The following MYSM1 variants were observed in gnomAD, a reference collection of about 807,000 sequenced individuals.
MYSM1 encodes the protein deubiquitinase MYSM1.
MYSM1 carries 51 observed loss-of-function variants against 116.0 expected under a neutral mutation model. That is an observed-to-expected ratio of 0.44 (90% CI 0.35 to 0.56). The LOEUF (loss-of-function observed/expected upper bound fraction) is 0.56. Among genes scored for constraint, MYSM1 ranks in the 20% least tolerant of loss-of-function variants. MYSM1 has a pLI of 0.00. For missense variants in MYSM1, 900 were observed against 974.9 expected (o/e 0.92, Z 1.02); for synonymous variants, 313 against 315.2 (o/e 0.99, Z 0.07).
At chr1:58,663,490 C>T (rs1170302256) in intron 17 of MYSM1, among the ~76,000 whole-genome samples, 1 of 152,146 alleles carries the variant, frequency 6.6e-6, no homozygotes, top group Non-Finnish European at 1.5e-5. Flanking sequence ...CCCATGGCTT[C>T]TAGAAAACCT....
Position 58,669,036 on chromosome 1 carries a change from G to A in MYSM1, c.1664C>T (p.Ser555Leu), listed in dbSNP as rs186559420. 540 of 1,583,300 alleles carry A rather than the reference G, an allele frequency of 3.4e-4. 2 individuals carry two copies. In the African/African-American group the frequency reaches 6.7e-3, roughly 20 times the overall value. Residue 555 changes from serine (S) to leucine (L), a missense_variant and splice_region_variant, in exon 13 of 20, where the codon TCG becomes TTG. This residue lies in a region of MYSM1 where 92 missense variants were observed against 155.0 expected (regional missense o/e 0.59). Transcript: ENST00000472487. The part of the protein sequence containing the change: ...SLKVPRPTKS[S>L]FDPFQLIPCN... ...AGGTATCAGTTGGAAGGGATCAAAC[G>A]AGCTGAAAAAGAAAAAAAATTTTCA...
intron 5 of MYSM1, 160 bp from the exon 6 acceptor site, chr1:58,689,276 C>G (rs1644871016): frequency 3.5e-6 from 2 of 572,624 alleles, no homozygotes; most frequent in Non-Finnish European, 6.0e-6. Context: ...CAGCCTCTAC[C>G]TGGGGGCAGA....
chr1:58,664,790 G>A (rs1174831496), intron 17 of MYSM1, among the ~76,000 whole-genome samples: 2 of 152,172 alleles, frequency 1.3e-5, no homozygotes, highest in Non-Finnish European at 2.9e-5. Flanking sequence ...AGTACAATGT[G>A]GGGTAACTGT....
At chr1:58,681,164 G>A (rs535046158) in intron 8 of MYSM1, among the ~76,000 whole-genome samples, 1 of 152,278 alleles carries the variant, frequency 6.6e-6, no homozygotes, top group African/African-American at 2.4e-5. Context: ...GTTTAATTAA[G>A]CTGTTTTAAA....
intron 10 of MYSM1, 111 bp downstream of exon 10, chr1:58,675,366 T>A: frequency 1.4e-6 from 1 of 717,320 alleles, no homozygotes; most frequent in Non-Finnish European, 2.3e-6. Context: ...AGAGGAAACA[T>A]GTTTTTCTAC....
At chr1:58,665,921 G>A (rs1333569301) in intron 16 of MYSM1, among the ~76,000 whole-genome samples, 1 of 152,130 alleles carries the variant, frequency 6.6e-6, no homozygotes, top group Non-Finnish European at 1.5e-5. Flanking sequence ...GCCAGGTGTA[G>A]TGGCACGTGC....
In MYSM1 at chr1:58,655,691, C is replaced by T. The variant is rs1644311146; in HGVS notation, c.*4306G>A. On this transcript the variant is annotated 3_prime_UTR_variant, in exon 20 of 20. Transcript: ENST00000472487. ...TAAAGTATATTACATTATTCTCCCA[C>T]AGTGATTTTCTGGAAATATTGCAAA... is the stretch of plus-strand genomic sequence containing the variant. 1 of 152,064 alleles carries T rather than the reference C, an allele frequency of 6.6e-6. No individual in the cohort carries two copies. Among genetic ancestry groups the T allele is most frequent in the African/African-American group, 2.4e-5 (1 of 41,396 alleles). The allele number at this position is 152,064 out of a possible 1,614,324, so 9.4% of individuals were successfully genotyped here.
At chr1:58,663,066 C>T (rs1208499751) in intron 17 of MYSM1, among the ~76,000 whole-genome samples, 1 of 152,040 alleles carries the variant, frequency 6.6e-6, no homozygotes, top group East Asian at 1.9e-4. Flanking sequence ...TCTCATTTTA[C>T]AGATGTAGCA....
intron 8 of MYSM1, among the ~76,000 whole-genome samples, chr1:58,680,813 T>C (rs1478179131): frequency 6.8e-6 from 1 of 146,690 alleles, no homozygotes; most frequent in East Asian, 2.0e-4. Flanking sequence ...CAATTATGAT[T>C]TTTAAAAATA....
chr1:58,672,043 G>T, intron 11 of MYSM1, 85 bp from the exon 12 acceptor site: 1 of 1,059,960 alleles, frequency 9.4e-7, no homozygotes, highest in Non-Finnish European at 1.4e-6. Context: ...AAATTGAAGG[G>T]CATGTGAGGA....
chr1:58,698,159 G>T (rs1645010609), intron 1 of MYSM1, among the ~76,000 whole-genome samples: 1 of 126,890 alleles, frequency 7.9e-6, no homozygotes, highest in Non-Finnish European at 1.6e-5. Flanking sequence ...GGAGTGCGGT[G>T]GCGTGATCTC....
chr1:58,671,793 G>T, intron 12 of MYSM1, 77 bp downstream of exon 12: 1 of 1,040,708 alleles, frequency 9.6e-7, no homozygotes. Context: ...ATATAATGCA[G>T]CTATTGAATA....
Position 58,690,680 on chromosome 1 carries a change from A to ATTT in MYSM1, c.219-266_219-264dup, listed in dbSNP as rs35937590. 4.4e-5 allele frequency among the ~76,000 whole-genome samples: 6 copies of ATTT among 137,824 alleles called. No homozygotes were observed. The East Asian group carries it at 1.3e-3, about 29-fold the overall frequency. The allele number at this position is 137,824 out of a possible 152,430, so 90.4% of individuals were successfully genotyped here. A position where few individuals can be genotyped will look rare whatever the true frequency, so the allele number is the denominator to read the frequency against. On this transcript the variant is annotated intron_variant, in intron 3 of 19. Transcript: ENST00000472487. The stretch of plus-strand genomic sequence containing the variant: ...TAAAACACCATGAGATTATTTTGTG[A>ATTT]TTTTTTTTTTTTTTTTTGGCTCATC...
intron 7 of MYSM1, among the ~76,000 whole-genome samples, chr1:58,683,876 G>A (rs1644784641): frequency 6.6e-6 from 1 of 152,006 alleles, no homozygotes; most frequent in African/African-American, 2.4e-5. Flanking sequence ...ATGAAATTTT[G>A]CATTGATTTC....
At chr1:58,688,772 A>G (rs1451453225) in intron 6 of MYSM1, among the ~76,000 whole-genome samples, 1 of 152,156 alleles carries the variant, frequency 6.6e-6, no homozygotes, top group Non-Finnish European at 1.5e-5. Flanking sequence ...ATATACCTCA[A>G]TTTCTTGGAT....
At chr1:58,685,060 A>C in intron 7 of MYSM1, 93 bp downstream of exon 7, 1 of 1,012,550 alleles carries the variant, frequency 9.9e-7, no homozygotes, top group Non-Finnish European at 1.4e-6. Context: ...AACTTTTACC[A>C]GTAAGACTTT....
At position 58,698,102 on chromosome 1, in the gene MYSM1, A is replaced by ATATATATATATATATTTTTTTTTT; in HGVS notation, c.68+1882_68+1883insAAAAAAAAAATATATATATATATA. ...TATCAGACTATATATATATATATAT[A>ATATATATATATATATTTTTTTTTT]TTTTTTTTTTTTTTTTGAGACAGAG... On this transcript the variant is annotated intron_variant, in intron 1 of 19. Coordinates refer to ENST00000472487, the MANE Select transcript of MYSM1 (RefSeq NM_001085487.3). 4.5e-3 allele frequency among the ~76,000 whole-genome samples: 35 copies of ATATATATATATATATTTTTTTTTT among 7,752 alleles called. 1 individual carries two copies. Among genetic ancestry groups the ATATATATATATATATTTTTTTTTT allele is most frequent in the Non-Finnish European group, 0.011 (29 of 2,748 alleles). 5.1% of individuals were successfully genotyped at this position (7,752 alleles called of 152,430 possible).
In MYSM1 at chr1:58,700,024, ATAT is replaced by A. The variant is rs1645040066; in HGVS notation, c.26_28del (p.Asp9_Ile10delinsVal). The A allele has an allele frequency of 3.1e-6, 5 of 1,613,460 alleles. No homozygotes were observed. The highest frequency in any genetic ancestry group is 4.2e-6 in the Non-Finnish European group (5 of 1,179,966). ...CGCCGCCGCTACCACGTCCCCTTCG[ATAT>A]CCACATCCGCCTCTTCAGCCGCCAT... On this transcript the variant is annotated inframe_deletion, in exon 1 of 20. Transcript: ENST00000472487.
chr1:58,697,146 G>A (rs1430851680), intron 1 of MYSM1, among the ~76,000 whole-genome samples: 1 of 152,170 alleles, frequency 6.6e-6, no homozygotes, highest in African/African-American at 2.4e-5. Context: ...TAACTGATAG[G>A]GTAGAGGAGT....
Sources: gnomAD v4.1 joint callset for allele counts (sites outside exome capture counted in the v4.1 genomes callset) on GRCh38, gnomAD v4.1.1 for gene constraint, gnomAD v4.1.1 regional missense constraint, MANE v1.5 for transcripts, NCBI Gene and HGNC (gene_info 2026-07-23, HGNC 2026-07-21) for gene names.